Variants in EIF3F observed in about 807,000 individuals in gnomAD.
The protein encoded by EIF3F is eukaryotic translation initiation factor 3 subunit F.
In EIF3F, 8 loss-of-function variants were observed where a neutral mutation model predicts 36.0. The ratio of observed to expected loss-of-function variants is 0.22; its 90% CI spans 0.13 to 0.40. EIF3F has a LOEUF of 0.40. EIF3F is among the 10% of genes least tolerant of loss of function. EIF3F has a pLI of 1.00. For synonymous variants in EIF3F, 184 were observed against 188.5 expected (o/e 0.98, Z 0.19); for missense variants, 430 against 467.6 (o/e 0.92, Z 0.74).
At position 7,999,847 on chromosome 11, in the gene EIF3F, C is replaced by G. The variant is rs1942200315; in HGVS notation, c.*3825C>G. 1 of 152,224 alleles carries G rather than the reference C, an allele frequency of 6.6e-6. No homozygotes were observed. Among genetic ancestry groups the G allele is most frequent in the African/African-American group, 2.4e-5 (1 of 41,450 alleles). 9.4% of individuals were successfully genotyped at this position (152,224 alleles called of 1,614,324 possible). On this transcript the variant is annotated 3_prime_UTR_variant, in exon 8 of 8. Transcript: ENST00000651655. The stretch of plus-strand genomic sequence containing the variant: ...ATGAAATCAGTATGTTGAAGAGATA[C>G]TTCCACGTTCACTGAAGCATTGTTC...
chr11:8,001,846 T>G lies in EIF3F; in HGVS notation c.*5824T>G, dbSNP rs1057157869. The G allele has an allele frequency of 1.4e-4, 22 of 152,026 alleles. No individual in the cohort carries two copies. The highest frequency in any genetic ancestry group is 5.3e-4 in the African/African-American group (22 of 41,414). 9.4% of individuals were successfully genotyped at this position (152,026 alleles called of 1,614,324 possible). A position where few individuals can be genotyped will look rare whatever the true frequency, so the allele number is the denominator to read the frequency against. On this transcript the variant is annotated 3_prime_UTR_variant, in exon 8 of 8. Coordinates refer to ENST00000651655, the MANE Select transcript of EIF3F (RefSeq NM_003754.3). ...AAAAATATATAAAAATATAAAAACA[T>G]GAAAAACATGAAACAATACCTTATA...
intron 2 of EIF3F, 43 bp downstream of exon 2, chr11:7,991,894 TC>T (rs752489638): frequency 6.2e-7 from 1 of 1,609,834 alleles, no homozygotes; most frequent in Admixed American, 1.7e-5. Context: ...TTTTAGCTGT[TC>T]ATTTGCTCGG....
intron 3 of EIF3F, chr11:7,992,589 G>A: frequency 2.2e-6 from 1 of 462,182 alleles, no homozygotes; most frequent in Non-Finnish European, 3.9e-6. Flanking sequence ...AAAAACAAAA[G>A]GAAAGTGTGT....
chr11:7,995,776 G>A (rs1942153685), intron 7 of EIF3F, 169 bp from the exon 8 acceptor site: 7 of 688,254 alleles, frequency 1.0e-5, no homozygotes, highest in Non-Finnish European at 1.8e-5. Context: ...GCCTTCTCAA[G>A]CATTTCCTTT....
intron 5 of EIF3F, 130 bp from the exon 6 acceptor site, chr11:7,994,852 C>T (rs1798744136): frequency 1.5e-6 from 2 of 1,345,348 alleles, no homozygotes; most frequent in Non-Finnish European, 2.1e-6. Flanking sequence ...ACTGAGCAGA[C>T]TGAGTCTAAG....
intron 3 of EIF3F, chr11:7,992,673 A>G (rs943024500): frequency 1.1e-5 from 7 of 619,774 alleles, no homozygotes; most frequent in Non-Finnish European, 2.0e-5. Context: ...ATTTCGAATT[A>G]CCTTGTAAGT....
intron 1 of EIF3F, 106 bp downstream of exon 1, chr11:7,987,822 C>T (rs867526260): frequency 1.4e-5 from 19 of 1,368,406 alleles, no homozygotes; most frequent in South Asian, 1.3e-4. Context: ...ACCGTCCTTT[C>T]CTCCCATCCC....
chr11:7,993,191 GT>G (rs1942117843), intron 4 of EIF3F, among the ~76,000 whole-genome samples, 167 bp downstream of exon 4: 1 of 152,064 alleles, frequency 6.6e-6, no homozygotes, highest in African/African-American at 2.4e-5. Flanking sequence ...AACAAAATCT[GT>G]TCCTGTAATT....
chr11:7,994,323 A>C (rs1275658236), intron 4 of EIF3F, 103 bp from the exon 5 acceptor site: 1 of 984,158 alleles, frequency 1.0e-6, no homozygotes, highest in Non-Finnish European at 1.5e-6. Flanking sequence ...TTCTATCAGA[A>C]CCTTGAGAGC....
At position 7,997,188 on chromosome 11, in the gene EIF3F, A is replaced by G. The variant is rs1942170288; in HGVS notation, c.*1166A>G. The G allele has an allele frequency of 6.6e-6, 1 of 152,222 alleles. No individual in the cohort carries two copies. The highest frequency in any genetic ancestry group is 2.1e-4 in the South Asian group (1 of 4,834). 9.4% of individuals were successfully genotyped at this position (152,222 alleles called of 1,614,324 possible). The stretch of plus-strand genomic sequence containing the variant: ...ATAGATAATTTCTTACAGGTAGGGA[A>G]ATGTAAACAGATCTTATCGGCAAAA... On this transcript the variant is annotated 3_prime_UTR_variant, in exon 8 of 8. Transcript: ENST00000651655.
chr11:7,992,832 T>C (rs1186402663), intron 3 of EIF3F, 55 bp from the exon 4 acceptor site: 1 of 1,611,482 alleles, frequency 6.2e-7, no homozygotes, highest in East Asian at 2.2e-5. Flanking sequence ...CACTGTTGTG[T>C]TTGATATTGA....
In EIF3F at chr11:7,997,158, T is replaced by TAA. The variant is rs1295540448; in HGVS notation, c.*1137_*1138dup. The stretch of plus-strand genomic sequence containing the variant: ...TATGGGAGTCATAAAGTGTGGATAG[T>TAA]AATGATAGATAATTTCTTACAGGTA... On this transcript the variant is annotated 3_prime_UTR_variant, in exon 8 of 8. Coordinates refer to ENST00000651655, the MANE Select transcript of EIF3F (RefSeq NM_003754.3). 6.6e-6 allele frequency: 1 copy of TAA among 152,224 alleles called. No individual in the cohort carries two copies. The highest frequency in any genetic ancestry group is 1.9e-4 in the East Asian group (1 of 5,200). The allele number at this position is 152,224 out of a possible 1,614,324, so 9.4% of individuals were successfully genotyped here. A position where few individuals can be genotyped will look rare whatever the true frequency, so the allele number is the denominator to read the frequency against.
chr11:7,993,060 A>G (rs759515755), intron 4 of EIF3F, 36 bp downstream of exon 4: 1 of 1,515,862 alleles, frequency 6.6e-7, no homozygotes, highest in Non-Finnish European at 8.8e-7. Context: ...GCATAAAACC[A>G]TGCCCAGATG....
chr11:7,997,752 G>T lies in EIF3F; in HGVS notation c.*1730G>T, dbSNP rs766926411. Reference sequence around the variant, plus strand: ...AGAAGTTCAAAAACAAGTGAAACTTGTTTAGACATGCGGTTGGCTGTCTGT... The same window carrying T: ...AGAAGTTCAAAAACAAGTGAAACTTTTTTAGACATGCGGTTGGCTGTCTGT... On this transcript the variant is annotated 3_prime_UTR_variant, in exon 8 of 8. Transcript: ENST00000651655. 2 of 152,178 alleles carry T rather than the reference G, an allele frequency of 1.3e-5. No homozygotes were observed. The highest frequency in any genetic ancestry group is 6.5e-5 in the Admixed American group (1 of 15,276). The allele number at this position is 152,178 out of a possible 1,614,324, so 9.4% of individuals were successfully genotyped here.
In EIF3F at chr11:8,001,279, T is replaced by C. The variant is rs890590724; in HGVS notation, c.*5257T>C. ...ACGTGACACAGGCACAGATTGCTGG[T>C]AGACATATAAGTTGGTACAGCCCTC... On this transcript the variant is annotated 3_prime_UTR_variant, in exon 8 of 8. Coordinates refer to ENST00000651655, the MANE Select transcript of EIF3F (RefSeq NM_003754.3). 1 of 152,260 alleles carries C rather than the reference T, an allele frequency of 6.6e-6. No individual in the cohort carries two copies. The highest frequency in any genetic ancestry group is 2.4e-5 in the African/African-American group (1 of 41,458). The allele number at this position is 152,260 out of a possible 1,614,324, so 9.4% of individuals were successfully genotyped here.
Position 7,996,283 on chromosome 11 carries a change from G to A in EIF3F, c.*261G>A, listed in dbSNP as rs1364663974. The A allele has an allele frequency of 1.5e-5, 5 of 341,032 alleles. No individual in the cohort carries two copies. The highest frequency in any genetic ancestry group is 2.1e-5 in the Non-Finnish European group (4 of 187,060). The allele number at this position is 341,032 out of a possible 1,614,324, so 21.1% of individuals were successfully genotyped here. The stretch of plus-strand genomic sequence containing the variant: ...GAGAAGTTGGTTATGTGTTTGGCAT[G>A]TTACTGTTTTACCAAACTGTTCTTT... On this transcript the variant is annotated 3_prime_UTR_variant, in exon 8 of 8. Coordinates refer to ENST00000651655, the MANE Select transcript of EIF3F (RefSeq NM_003754.3).
intron 4 of EIF3F, among the ~76,000 whole-genome samples, 167 bp downstream of exon 4, chr11:7,993,191 G>T (rs755486996): frequency 6.6e-6 from 1 of 152,064 alleles, no homozygotes; most frequent in African/African-American, 2.4e-5. Context: ...AACAAAATCT[G>T]TTCCTGTAAT....
intron 1 of EIF3F, among the ~76,000 whole-genome samples, chr11:7,990,774 CTT>C (rs1411007483): frequency 6.6e-5 from 10 of 151,966 alleles, no homozygotes; most frequent in East Asian, 1.9e-4. Flanking sequence ...GAGAGGGAAA[CTT>C]TTAAATCCTG....
intron 1 of EIF3F, among the ~76,000 whole-genome samples, chr11:7,990,401 A>G (rs1942077820): frequency 6.6e-6 from 1 of 151,892 alleles, no homozygotes; most frequent in South Asian, 2.1e-4. Context: ...TTGTAGCAAG[A>G]AAGCAGCCAT....
Sources: allele counts gnomAD v4.1 joint callset (sites outside exome capture counted in the v4.1 genomes callset), GRCh38; gene constraint gnomAD v4.1.1; transcripts MANE v1.5; gene names NCBI Gene and HGNC (gene_info 2026-07-23, HGNC 2026-07-21).